Variants in ITGAD observed in about 807,000 individuals in gnomAD.
The protein encoded by ITGAD is integrin alpha-D.
A neutral mutation model predicts 139.0 loss-of-function variants in ITGAD; 105 were observed. That is an observed-to-expected ratio of 0.76 (90% CI 0.65 to 0.89). The LOEUF is 0.89. ITGAD is among the 40% of genes least tolerant of loss of function. ITGAD has a pLI of 0.00. For missense variants in ITGAD, 1,384 were observed against 1,487.3 expected, an observed-to-expected ratio of 0.93 and a Z score of 1.14; for synonymous variants, 569 against 598.3, an observed-to-expected ratio of 0.95 and a Z score of 0.71.
chr16:31,425,709 G>A (rs1302430216), intron 29 of ITGAD, among the ~76,000 whole-genome samples: 1 of 144,840 alleles, frequency 6.9e-6, no homozygotes, highest in Admixed American at 7.0e-5. Flanking sequence ...TTTACATGGA[G>A]TCTTGCTGTC....
Position 31,411,525 on chromosome 16 carries a change from CCGTCTTCAG to C in ITGAD, c.1707+10_1707+18del. ...AGCCCCTCCCACAGCCAGGTGAGGC[CCGTCTTCAG>C]CCTCTTTTAGTCCCAGCTCCTTCCC... is the stretch of plus-strand genomic sequence containing the variant. On this transcript the variant is annotated intron_variant, in intron 14 of 29. Coordinates refer to ENST00000389202, the MANE Select transcript of ITGAD (RefSeq NM_005353.3). The C allele has an allele frequency of 6.2e-7, 1 of 1,613,786 alleles. No individual in the cohort carries two copies. Among genetic ancestry groups the C allele is most frequent in the Non-Finnish European group, 8.5e-7 (1 of 1,179,718 alleles).
Position 31,407,526 on chromosome 16 carries a change from T to G in ITGAD, c.716T>G (p.Phe239Cys). 1 of 1,593,738 alleles carries G rather than the reference T, an allele frequency of 6.3e-7. No individual in the cohort carries two copies. ...TGILTVVTQLFHHKNGARKSA... is the reference protein window; with the variant it reads ...TGILTVVTQLCHHKNGARKSA... ...TTCCTCCCCGACAGGACACAGCTAT[T>G]TCATCATAAGAATGGGGCCCGAAAA... The change falls in exon 8 of 30, where the codon TTT becomes TGT. Residue 239 changes from phenylalanine to cysteine, a missense_variant. Transcript: ENST00000389202.
In ITGAD at chr16:31,414,572, G is replaced by T; in HGVS notation, c.2118G>T (p.Gly706=). The T allele has an allele frequency of 1.2e-6, 2 of 1,614,204 alleles. No homozygotes were observed. The highest frequency in any genetic ancestry group is 4.5e-5 in the East Asian group (2 of 44,886). ...TLTRRKTLGL[G]IHCETLKLLL... Reference sequence around the variant, plus strand: ...CTCGAAGAAAAACCCTGGGACTGGGGATTCACTGTGAAACCCTGAAGCTGC... The same window carrying T: ...CTCGAAGAAAAACCCTGGGACTGGGTATTCACTGTGAAACCCTGAAGCTGC... The change falls in exon 17 of 30, where the codon GGG becomes GGT. Residue 706 remains glycine (G), a synonymous_variant. Coordinates refer to ENST00000389202, the MANE Select transcript of ITGAD (RefSeq NM_005353.3).
Position 31,426,221 on chromosome 16 carries a change from G to A in ITGAD, c.*93G>A, listed in dbSNP as rs934317760. ...ATGGAAACAACTTCTGCATAGATCT[G>A]CACTGGCCTAAGCAACCTACCAGGT... On this transcript the variant is annotated 3_prime_UTR_variant, in exon 30 of 30. Transcript: ENST00000389202. The A allele has an allele frequency of 2.4e-6, 2 of 830,602 alleles. No homozygotes were observed. Among genetic ancestry groups the A allele is most frequent in the South Asian group, 1.4e-5 (1 of 69,070 alleles). The allele number at this position is 830,602 out of a possible 1,614,324, so 51.5% of individuals were successfully genotyped here. A position where few individuals can be genotyped will look rare whatever the true frequency, so the allele number is the denominator to read the frequency against.
At position 31,410,492 on chromosome 16, in the gene ITGAD, A is replaced by G; in HGVS notation, c.1181A>G (p.Gln394Arg). The G allele has an allele frequency of 6.2e-7, 1 of 1,610,032 alleles. No homozygotes were observed. The highest frequency in any genetic ancestry group is 1.7e-5 in the Admixed American group (1 of 59,832). The change falls in exon 11 of 30, where the codon CAG becomes CGG. Residue 394 changes from glutamine (Q) to arginine (R), a missense_variant. Coordinates refer to ENST00000389202, the MANE Select transcript of ITGAD (RefSeq NM_005353.3). ...AGCCCCACCTTCATCAACATGTCTC[A>G]GGAGAATGTGGACATGAGGGACTCT... ...NMSPTFINMS[Q>R]ENVDMRDSYL... is the part of the protein sequence containing the mutation.
chr16:31,396,816 A>T (rs938351524), intron 2 of ITGAD, among the ~76,000 whole-genome samples: 5 of 152,182 alleles, frequency 3.3e-5, no homozygotes, highest in Non-Finnish European at 7.3e-5. Context: ...ACTCTACATA[A>T]CTATAGATAT....
chr16:31,414,459 CA>C lies in ITGAD; in HGVS notation c.2008del (p.Ser670AlafsTer14), dbSNP rs747308639. 55 of 1,614,012 alleles carry C rather than the reference CA, an allele frequency of 3.4e-5. No homozygotes were observed. Among genetic ancestry groups the C allele is most frequent in the Non-Finnish European group, 4.4e-5 (52 of 1,179,976 alleles). ...KSSLDQLGDI[Q>X]SSVRFDLALD... ...TCTCCCCTGCACTTCAGGTGACATC[CA>C]AAGCTCTGTCAGGTTTGATCTGGCA... On this transcript the variant is annotated frameshift_variant, in exon 17 of 30. Transcript: ENST00000389202. LOFTEE classifies it high-confidence loss of function.
chr16:31,409,318 AAAAAC>A (rs1186361972), intron 10 of ITGAD, among the ~76,000 whole-genome samples: 3 of 139,626 alleles, frequency 2.1e-5, no homozygotes, highest in South Asian at 2.4e-4. Flanking sequence ...CAACAAAAAC[AAAAAC>A]AAAACAAAAC....
intron 15 of ITGAD, 27 bp downstream of exon 15, chr16:31,412,995 C>T: frequency 6.2e-7 from 1 of 1,602,296 alleles, no homozygotes; most frequent in East Asian, 2.2e-5. Context: ...ATCCTGCCCT[C>T]CCGCGCTGTG....
intron 7 of ITGAD, among the ~76,000 whole-genome samples, chr16:31,406,426 G>A (rs551137539): frequency 6.6e-5 from 10 of 152,216 alleles, no homozygotes; most frequent in African/African-American, 1.7e-4. Context: ...AGTAGTCACC[G>A]TAGGCCATTC....
chr16:31,409,966 A>T (rs1000044275), intron 10 of ITGAD, among the ~76,000 whole-genome samples: 8 of 151,704 alleles, frequency 5.3e-5, no homozygotes. Context: ...GGGAGGGGAA[A>T]TGAGCTGAGT....
At chr16:31,424,294 G>A (rs1314135339) in intron 28 of ITGAD, 91 bp downstream of exon 28, 10 of 1,498,370 alleles carry the variant, frequency 6.7e-6, no homozygotes, top group Admixed American at 5.2e-5. Context: ...CAAGCCTTGC[G>A]GGAGGAGGGT....
chr16:31,393,931 G>C (rs1453403227), intron 1 of ITGAD, among the ~76,000 whole-genome samples: 1 of 152,030 alleles, frequency 6.6e-6, no homozygotes, highest in Non-Finnish European at 1.5e-5. Context: ...AGGAGTTTGT[G>C]ACCAGCCTGG....
Position 31,403,278 on chromosome 16 carries a change from A to G in ITGAD, c.559-222A>G. 1 of 502,640 alleles carries G rather than the reference A, an allele frequency of 2.0e-6. No homozygotes were observed. Among genetic ancestry groups the G allele is most frequent in the East Asian group, 3.7e-5 (1 of 27,226 alleles). The allele number at this position is 502,640 out of a possible 1,614,324, so 31.1% of individuals were successfully genotyped here. On this transcript the variant is annotated intron_variant, in intron 6 of 29. Transcript: ENST00000389202. This position sits in a 1 kb window ranked among gnomAD's most constrained non-coding sequence, Gnocchi z 4.4. ...TGCTTGAGGCCAAGAGTTCGAGACC[A>G]GCCTGGGCAACATAGTGAGACCTTG...
chr16:31,414,525 G>A lies in ITGAD; in HGVS notation c.2071G>A (p.Glu691Lys). Residue 691 changes from glutamate (E) to lysine (K), a missense_variant, in exon 17 of 30, where the codon GAA becomes AAA. Glu to Lys is a moderately conservative substitution (Grantham distance 56). Transcript: ENST00000389202. ...TCTGACTTCTCGTGCCATTTTCAAT[G>A]AAACCAAGAACCCCACTTTGACTCG... The part of the protein sequence containing the change: ...GRLTSRAIFN[E>K]TKNPTLTRRK... 1 of 1,614,206 alleles carries A rather than the reference G, an allele frequency of 6.2e-7. No individual in the cohort carries two copies. Among genetic ancestry groups the A allele is most frequent in the Non-Finnish European group, 8.5e-7 (1 of 1,180,040 alleles).
At chr16:31,401,154 G>A (rs2081393831) in intron 5 of ITGAD, among the ~76,000 whole-genome samples, 1 of 152,162 alleles carries the variant, frequency 6.6e-6, no homozygotes, top group Admixed American at 6.5e-5. Context: ...CAGCTACTCA[G>A]GAGACTGAGG....
chr16:31,394,154 A>G, intron 1 of ITGAD, 82 bp from the exon 2 acceptor site: 1 of 849,228 alleles, frequency 1.2e-6, no homozygotes, highest in East Asian at 2.6e-5. Flanking sequence ...AAAAAAAGAA[A>G]AAAAAGAAAA....
intron 6 of ITGAD, 98 bp downstream of exon 6, chr16:31,402,343 T>C (rs2081429699): frequency 9.3e-7 from 1 of 1,078,222 alleles, no homozygotes; most frequent in African/African-American, 1.6e-5. Flanking sequence ...GTGAGCCGTG[T>C]GTGATGGGGC....
intron 2 of ITGAD, among the ~76,000 whole-genome samples, 155 bp downstream of exon 2, chr16:31,394,496 T>C (rs1258464210): frequency 6.6e-6 from 1 of 151,994 alleles, no homozygotes; most frequent in Admixed American, 6.5e-5. Flanking sequence ...CAGCACCTAT[T>C]ATTCTCAATC....
Sources: gnomAD v4.1 joint callset for allele counts (sites outside exome capture counted in the v4.1 genomes callset) on GRCh38, gnomAD v4.1.1 for gene constraint, Gnocchi (gnomAD v3.1) non-coding constraint, MANE v1.5 for transcripts, NCBI Gene and HGNC (gene_info 2026-07-23, HGNC 2026-07-21) for gene names.